Variants in GCG observed in about 807,000 individuals in gnomAD.
GCG encodes the protein pro-glucagon.
In GCG, 11 loss-of-function variants were observed where a neutral mutation model predicts 22.8. The observed-to-expected ratio is 0.48, with a 90% CI of 0.30 to 0.80. GCG has a LOEUF of 0.80. Ranked by LOEUF, GCG falls within the 30% of genes least tolerant of loss-of-function variation. The pLI is 0.06. For synonymous variants in GCG, 89 were observed against 72.4 expected (o/e 1.23, Z -1.16); for missense variants, 222 against 222.0 (o/e 1.00, Z 0.00).
intron 1 of GCG, among the ~76,000 whole-genome samples, chr2:162,150,192 G>A (rs533713622): frequency 2.6e-5 from 4 of 152,242 alleles, no homozygotes; most frequent in South Asian, 4.1e-4. Flanking sequence ...CGTCAAGTCC[G>A]TCTTTGTCAT....
intron 5 of GCG, 178 bp downstream of exon 5, chr2:162,143,849 G>C (rs762415218): frequency 4.1e-5 from 26 of 632,886 alleles, no homozygotes; most frequent in Non-Finnish European, 6.7e-5. Flanking sequence ...GATACAAACT[G>C]TAATGATACA....
intron 1 of GCG, among the ~76,000 whole-genome samples, chr2:162,150,378 AAT>A (rs1686803428): frequency 1.3e-5 from 2 of 152,162 alleles, no homozygotes; most frequent in Admixed American, 1.3e-4. Context: ...TCTTTTCCTT[AAT>A]ATATTAGCTG....
At position 162,145,440 on chromosome 2, in the gene GCG, T is replaced by C. The variant is rs576868463; in HGVS notation, c.392+100A>G. The C allele has an allele frequency of 1.3e-5, 12 of 944,016 alleles. No individual in the cohort carries two copies. In the East Asian group the frequency reaches 3.1e-4, roughly 24 times the overall value. The allele number at this position is 944,016 out of a possible 1,614,324, so 58.5% of individuals were successfully genotyped here. On this transcript the variant is annotated intron_variant, in intron 4 of 5. Coordinates refer to ENST00000418842, the MANE Select transcript of GCG (RefSeq NM_002054.5). ...GAATTATTTCCTTACTTTGCAAGAC[T>C]ACTAATTGCTTCTGTAATCCAGATC...
chr2:162,146,058 GAGTT>G (rs2106195516), intron 3 of GCG, among the ~76,000 whole-genome samples: 1 of 152,306 alleles, frequency 6.6e-6, no homozygotes, highest in Admixed American at 6.5e-5. Flanking sequence ...TATGGGGTCA[GAGTT>G]AGTTAATTGA....
intron 2 of GCG, among the ~76,000 whole-genome samples, chr2:162,148,456 C>T (rs1240433705): frequency 1.3e-5 from 2 of 152,038 alleles, no homozygotes; most frequent in South Asian, 4.2e-4. Flanking sequence ...AAACAGTATG[C>T]TGCCATTAAA....
chr2:162,147,173 C>T (rs553448825), intron 3 of GCG, among the ~76,000 whole-genome samples, 180 bp downstream of exon 3: 3 of 152,094 alleles, frequency 2.0e-5, no homozygotes, highest in South Asian at 2.1e-4. Context: ...TAGAGGGGTG[C>T]GGGTTAAGAC....
At chr2:162,145,436 A>G (rs1000075903) in intron 4 of GCG, 104 bp downstream of exon 4, 13 of 921,894 alleles carry the variant, frequency 1.4e-5, no homozygotes, top group Admixed American at 5.4e-5. Context: ...TTACTTTGCA[A>G]GACTACTAAT....
At chr2:162,151,742 T>C (rs935874333) in intron 1 of GCG, among the ~76,000 whole-genome samples, 3 of 152,198 alleles carry the variant, frequency 2.0e-5, no homozygotes, top group East Asian at 1.9e-4. Context: ...ATTTCTGTTA[T>C]AGGCTCCCTA....
chr2:162,143,627 G>A (rs1481089076), intron 5 of GCG, among the ~76,000 whole-genome samples: 2 of 152,000 alleles, frequency 1.3e-5, no homozygotes, highest in Non-Finnish European at 1.5e-5. Flanking sequence ...GTATTTTTCG[G>A]TGTCCAGTTC....
intron 5 of GCG, 76 bp downstream of exon 5, chr2:162,143,951 G>A (rs1338204867): frequency 6.3e-6 from 8 of 1,264,892 alleles, no homozygotes; most frequent in African/African-American, 1.5e-5. Flanking sequence ...CCTACATGGG[G>A]AACAGCTTGC....
At chr2:162,150,716 C>T (rs1317400857) in intron 1 of GCG, among the ~76,000 whole-genome samples, 3 of 152,034 alleles carry the variant, frequency 2.0e-5, no homozygotes, top group Non-Finnish European at 2.9e-5. Context: ...AATTATACCA[C>T]TGTTGAAAAG....
At position 162,144,181 on chromosome 2, in the gene GCG, A is replaced by G. The variant is rs372618529; in HGVS notation, c.393-11T>C. ...ACCTCTTCTGGGAAACTAAGAAAAT[A>G]AGTGTTAAAATTAGCGTTTGATTAG... is the stretch of plus-strand genomic sequence containing the variant. On this transcript the variant is annotated splice_polypyrimidine_tract_variant and intron_variant, in intron 4 of 5. Coordinates refer to ENST00000418842, the MANE Select transcript of GCG (RefSeq NM_002054.5). 67 of 1,603,622 alleles carry G rather than the reference A, an allele frequency of 4.2e-5. No individual in the cohort carries two copies. Among genetic ancestry groups the G allele is most frequent in the Non-Finnish European group, 3.6e-5 (42 of 1,170,914 alleles).
intron 4 of GCG, 142 bp downstream of exon 4, chr2:162,145,398 C>G (rs1375191170): frequency 1.4e-6 from 1 of 720,040 alleles, no homozygotes; most frequent in South Asian, 2.6e-5. Context: ...CTTTTATATA[C>G]TGTTTTTCAT....
chr2:162,148,601 G>C (rs564348711), intron 2 of GCG, among the ~76,000 whole-genome samples: 3 of 152,210 alleles, frequency 2.0e-5, no homozygotes, highest in South Asian at 4.1e-4. Context: ...ACACAGGAAA[G>C]TAATACACCA....
intron 3 of GCG, among the ~76,000 whole-genome samples, chr2:162,146,282 C>A (rs1425337285): frequency 6.6e-6 from 1 of 152,160 alleles, no homozygotes; most frequent in Non-Finnish European, 1.5e-5. Context: ...TCATTTTAAA[C>A]ACATAGGCAA....
intron 2 of GCG, 35 bp from the exon 3 acceptor site, chr2:162,147,549 C>G (rs1686721298): frequency 6.2e-7 from 1 of 1,602,360 alleles, no homozygotes; most frequent in Non-Finnish European, 8.5e-7. Flanking sequence ...ACATAAATCT[C>G]TCCTCAAGAG....
intron 2 of GCG, 195 bp from the exon 3 acceptor site, chr2:162,147,709 A>G: frequency 1.6e-6 from 1 of 641,710 alleles, no homozygotes; most frequent in South Asian, 1.7e-5. Flanking sequence ...TGCATACGCT[A>G]TTATTCTGAA....
intron 2 of GCG, 50 bp from the exon 3 acceptor site, chr2:162,147,564 C>T (rs777630869): frequency 1.2e-5 from 19 of 1,525,206 alleles, no homozygotes; most frequent in Non-Finnish European, 1.5e-5. Flanking sequence ...CAAGAGTAGA[C>T]TCACTTGAGA....
intron 1 of GCG, among the ~76,000 whole-genome samples, chr2:162,151,016 A>G (rs1019382995): frequency 6.6e-5 from 10 of 152,160 alleles, no homozygotes; most frequent in African/African-American, 2.4e-4. Flanking sequence ...AATTGTGAAA[A>G]AAAAAAGAAT....
Sources: allele counts gnomAD v4.1 joint callset (sites outside exome capture counted in the v4.1 genomes callset), GRCh38; gene constraint gnomAD v4.1.1; transcripts MANE v1.5; gene names NCBI Gene and HGNC (gene_info 2026-07-23, HGNC 2026-07-21).